LPCAT1: variants seen among roughly 807,000 people sequenced by gnomAD.
The protein encoded by LPCAT1 is lysophosphatidylcholine acyltransferase 1.
In LPCAT1, 23 loss-of-function variants were observed where a neutral mutation model predicts 60.9. The ratio of observed to expected loss-of-function variants is 0.38; its 90% confidence interval spans 0.27 to 0.53. The LOEUF is 0.53. Ranked by LOEUF, LPCAT1 falls within the 20% of genes least tolerant of loss-of-function variation. The probability of loss-of-function intolerance (pLI) is 0.82; values close to 1 mark genes in which losing one functional copy is unlikely to be tolerated. For synonymous variants in LPCAT1, 340 were observed against 301.1 expected (o/e 1.13, Z -1.34); for missense variants, 622 against 723.6 (o/e 0.86, Z 1.61).
chr5:1,471,071 G>A lies in LPCAT1; in HGVS notation c.1180-147C>T, dbSNP rs183084111. On this transcript the variant is annotated intron_variant, in intron 11 of 13. Coordinates refer to ENST00000283415, the MANE Select transcript of LPCAT1 (RefSeq NM_024830.5). ...CCCATGTGAAAAGGGAATCTTGGAA[G>A]GACATTCCACCAAGTGGGTTCTCCA... 6.2e-6 allele frequency: 4 copies of A among 649,442 alleles called. No individual in the cohort carries two copies. The Admixed American group carries it at 1.2e-4, about 19-fold the overall frequency. 40.2% of individuals were successfully genotyped at this position (649,442 alleles called of 1,614,324 possible).
intron 1 of LPCAT1, among the ~76,000 whole-genome samples, chr5:1,512,754 G>A (rs977088877): frequency 6.6e-6 from 1 of 152,222 alleles, no homozygotes. Flanking sequence ...CACAGGGCAT[G>A]GTGCTCACAC....
At chr5:1,513,749 C>A (rs1268440759) in intron 1 of LPCAT1, among the ~76,000 whole-genome samples, 3 of 139,868 alleles carry the variant, frequency 2.1e-5, no homozygotes, top group African/African-American at 8.2e-5. Flanking sequence ...GGACACCCTG[C>A]GATTACATTC....
rs539064412 is a variant in LPCAT1 at position 1,480,332 on chromosome 5, C to T, written c.761+610G>A. The stretch of plus-strand genomic sequence containing the variant: ...TCACCTGAAAGCACCAGCGGACCCA[C>T]ATCCTCCCAAACGCCTGGAATGGAG... On this transcript the variant is annotated intron_variant, in intron 7 of 13. Transcript: ENST00000283415. This position sits in a 1 kb window ranked among gnomAD's most constrained non-coding sequence, Gnocchi z 6.4. 8.1e-6 allele frequency: 8 copies of T among 985,224 alleles called. No homozygotes were observed. Among genetic ancestry groups the T allele is most frequent in the South Asian group, 4.7e-5 (1 of 21,278 alleles). 61.0% of individuals were successfully genotyped at this position (985,224 alleles called of 1,614,324 possible). A position where few individuals can be genotyped will look rare whatever the true frequency, so the allele number is the denominator to read the frequency against.
intron 4 of LPCAT1, 78 bp downstream of exon 4, chr5:1,489,668 G>A: frequency 9.2e-7 from 1 of 1,088,172 alleles, no homozygotes. Context: ...AAGGGCCCCA[G>A]TTTCTTTCTC....
chr5:1,470,977 A>C, intron 11 of LPCAT1, 53 bp from the exon 12 acceptor site: 3 of 1,504,712 alleles, frequency 2.0e-6, no homozygotes, highest in Non-Finnish European at 2.8e-6. Flanking sequence ...GCACTGGAGA[A>C]ACGCCAGGGT....
intron 3 of LPCAT1, among the ~76,000 whole-genome samples, chr5:1,490,477 T>C (rs1447104092): frequency 2.0e-5 from 3 of 152,178 alleles, no homozygotes. Flanking sequence ...CATAGGAGGA[T>C]GTGGCCACAG....
chr5:1,471,258 G>A (rs1350680421), intron 11 of LPCAT1, among the ~76,000 whole-genome samples: 2 of 152,176 alleles, frequency 1.3e-5, no homozygotes, highest in Admixed American at 6.5e-5. Flanking sequence ...GGCTGATTCT[G>A]GGCTCTAGGA....
rs879900767 is a variant in LPCAT1 at position 1,465,774 on chromosome 5, G to A, written c.1420+975C>T. Among the ~76,000 whole-genome samples the A allele has an allele frequency of 1.8e-3, 130 of 70,338 alleles. 1 individual carries two copies. Among genetic ancestry groups the A allele is most frequent in the Admixed American group, 7.6e-3 (52 of 6,882 alleles). The allele number at this position is 70,338 out of a possible 152,430, so 46.1% of individuals were successfully genotyped here. On this transcript the variant is annotated intron_variant, in intron 13 of 13. Transcript: ENST00000283415. ...TGTGTACACAAACGTGTGCACACACGGTAAACATGCACACTTTCAATACTA... is the reference window on the plus strand; with the variant it reads ...TGTGTACACAAACGTGTGCACACACAGTAAACATGCACACTTTCAATACTA...
At position 1,501,574 on chromosome 5, in the gene LPCAT1, C is replaced by G. The variant is rs377109748; in HGVS notation, c.165G>C (p.Pro55=). The change falls in exon 2 of 14, where the codon CCG becomes CCC. Residue 55 remains proline, a synonymous_variant. Transcript: ENST00000283415. ...QVALMTLTLF[P]VRLLVAAAMM... ...TGGCAGCGGCAACCAGGAGCCGGAC[C>G]GGGAAGAGCGTCAGTGTCATGAGGG... is the stretch of plus-strand genomic sequence containing the variant. 2 of 1,613,766 alleles carry G rather than the reference C, an allele frequency of 1.2e-6. No homozygotes were observed. Among genetic ancestry groups the G allele is most frequent in the South Asian group, 1.1e-5 (1 of 91,082 alleles).
At chr5:1,514,065 G>A (rs1736433010) in intron 1 of LPCAT1, among the ~76,000 whole-genome samples, 1 of 152,250 alleles carries the variant, frequency 6.6e-6, no homozygotes, top group African/African-American at 2.4e-5. Flanking sequence ...CCCAGGAGCC[G>A]TGGAGAAGCT....
At chr5:1,464,129 G>A (rs1476646174) in intron 13 of LPCAT1, among the ~76,000 whole-genome samples, 2 of 152,214 alleles carry the variant, frequency 1.3e-5, no homozygotes, top group Admixed American at 1.3e-4. Flanking sequence ...TATATCCCGG[G>A]GACTTAGCAC....
intron 1 of LPCAT1, among the ~76,000 whole-genome samples, chr5:1,511,335 C>T (rs748399630): frequency 2.3e-4 from 35 of 152,330 alleles, no homozygotes; most frequent in Non-Finnish European, 3.7e-4. Context: ...GTGGCCCCAA[C>T]CCCTCAGGGG....
chr5:1,490,956 C>T (rs1307623310), intron 3 of LPCAT1, among the ~76,000 whole-genome samples: 1 of 152,186 alleles, frequency 6.6e-6, no homozygotes, highest in African/African-American at 2.4e-5. Flanking sequence ...CTCCCCACCC[C>T]AGTTCAGTTT....
Position 1,479,666 on chromosome 5 carries a change from G to C in LPCAT1, c.771C>G (p.Ile257Met). The C allele has an allele frequency of 6.2e-7, 1 of 1,611,790 alleles. No homozygotes were observed. The highest frequency in any genetic ancestry group is 1.3e-5 in the African/African-American group (1 of 74,964). ...GAAACTGACACAGCGTGAGCCACAG[G>C]ATTTCCAGCCTTAAAAACAGATTGC... Reference protein sequence around the residue: ...WTWQGPGALEILWLTLCQFHN... With the variant: ...WTWQGPGALEMLWLTLCQFHN... The change falls in exon 8 of 14, where the codon ATC becomes ATG. Residue 257 changes from isoleucine (I) to methionine (M), a missense_variant. Physicochemically the swap from Ile to Met is conservative, Grantham distance 10 (BLOSUM62 1). Coordinates refer to ENST00000283415, the MANE Select transcript of LPCAT1 (RefSeq NM_024830.5).
rs766712143 is a variant in LPCAT1 at position 1,466,888 on chromosome 5, C to T, written c.1281G>A (p.Met427Ile). ...CGCTGCCGTCCTCTTGCGCTCCGTA[C>T]ATCTGCAAGGCAAACTGGGTGTCAC... ...TLDTIQLAFKMYGAQEDGSVG... is the reference protein window; with the variant it reads ...TLDTIQLAFKIYGAQEDGSVG... Residue 427 changes from methionine to isoleucine, a missense_variant and splice_region_variant, in exon 13 of 14, where the codon ATG becomes ATA. Physicochemically the swap from Met to Ile is conservative, Grantham distance 10 (BLOSUM62 1). Around this residue, in one of 3 missense-constraint regions of LPCAT1, gnomAD observed 288 missense variants for 283.6 expected, o/e 1.02. Transcript: ENST00000283415. 31 of 1,585,994 alleles carry T rather than the reference C, an allele frequency of 2.0e-5. 1 individual carries two copies. In the South Asian group the frequency reaches 3.4e-4, roughly 17 times the overall value.
intron 12 of LPCAT1, among the ~76,000 whole-genome samples, chr5:1,469,674 G>A (rs941476207): frequency 2.0e-5 from 3 of 152,220 alleles, no homozygotes; most frequent in Non-Finnish European, 2.9e-5. Context: ...CTACTTGGGA[G>A]GCTGAGGCAC....
intron 1 of LPCAT1, among the ~76,000 whole-genome samples, chr5:1,512,774 G>A (rs971453631): frequency 3.9e-5 from 6 of 152,252 alleles, no homozygotes; most frequent in Non-Finnish European, 7.3e-5. Flanking sequence ...CATTGGTGCT[G>A]TTGGAAAGTA....
rs543685850 is a variant in LPCAT1 at position 1,522,695 on chromosome 5, T to A, written c.135+1015A>T. On this transcript the variant is annotated intron_variant, in intron 1 of 13. Coordinates refer to ENST00000283415, the MANE Select transcript of LPCAT1 (RefSeq NM_024830.5). This position sits in a 1 kb window ranked among gnomAD's most constrained non-coding sequence, Gnocchi z 6.8. ...TACTTTATGCATTAACAAATCTCCA[T>A]CTTCCCGGAAATCTATTCTCACAAT... Among the ~76,000 whole-genome samples the A allele has an allele frequency of 6.6e-6, 1 of 152,208 alleles. No homozygotes were observed. The highest frequency in any genetic ancestry group is 6.5e-5 in the Admixed American group (1 of 15,284).
At chr5:1,470,790 G>A in intron 12 of LPCAT1, 36 bp downstream of exon 12, 1 of 1,547,684 alleles carries the variant, frequency 6.5e-7, no homozygotes, top group South Asian at 1.1e-5. Context: ...GCACCGCCCT[G>A]TCCCCCAGTC....
Sources: allele counts gnomAD v4.1 joint callset (sites outside exome capture counted in the v4.1 genomes callset), GRCh38; gene constraint gnomAD v4.1.1; regional missense constraint gnomAD v4.1.1; non-coding constraint Gnocchi (gnomAD v3.1); transcripts MANE v1.5; gene names NCBI Gene and HGNC (gene_info 2026-07-23, HGNC 2026-07-21).